Variants in CACNA2D3 observed in about 807,000 individuals in gnomAD.
CACNA2D3 encodes voltage-dependent calcium channel subunit alpha-2/delta-3.
In CACNA2D3, 60 loss-of-function variants were observed where a neutral mutation model predicts 160.6. The ratio of observed to expected loss-of-function variants is 0.37; its 90% CI spans 0.30 to 0.46. The LOEUF is 0.46. Ranked by LOEUF, CACNA2D3 falls within the 20% of genes least tolerant of loss-of-function variation. The pLI, the probability that CACNA2D3 is intolerant of heterozygous loss-of-function variation, is 1.00. For missense variants in CACNA2D3, 1,205 were observed against 1,365.0 expected (o/e 0.88, Z 1.85); for synonymous variants, 558 against 492.9 (o/e 1.13, Z -1.75).
intron 11 of CACNA2D3, among the ~76,000 whole-genome samples, chr3:54,720,371 G>A (rs1271040991): frequency 1.3e-5 from 2 of 151,914 alleles, no homozygotes; most frequent in Non-Finnish European, 2.9e-5. Flanking sequence ...TATTTAAAGT[G>A]TATTATTTAA....
intron 14 of CACNA2D3, among the ~76,000 whole-genome samples, chr3:54,830,453 T>G (rs1001051117): frequency 6.9e-6 from 1 of 145,588 alleles, no homozygotes; most frequent in African/African-American, 2.6e-5. Context: ...TTAAATACTT[T>G]TTTTTTTTTT....
chr3:54,979,317 A>T (rs1183421877), intron 29 of CACNA2D3, among the ~76,000 whole-genome samples: 1 of 152,168 alleles, frequency 6.6e-6, no homozygotes, highest in Non-Finnish European at 1.5e-5. Flanking sequence ...TTAAAGGTAA[A>T]CACACCATTC....
chr3:55,022,057 T>C (rs1242762846), intron 35 of CACNA2D3, among the ~76,000 whole-genome samples: 1 of 152,106 alleles, frequency 6.6e-6, no homozygotes, highest in African/African-American at 2.4e-5. Context: ...CAGTCTATTT[T>C]AGATGTCAGT....
rs538128301 is a variant in CACNA2D3, at chr3:55,064,151, C to T, written c.2988-9294C>T. Among the ~76,000 whole-genome samples the T allele has an allele frequency of 1.4e-4, 22 of 152,338 alleles. No individual in the cohort carries two copies. The Middle Eastern group carries it at 0.014, about 94-fold the overall frequency. On this transcript the variant is annotated intron_variant, in intron 35 of 37. Transcript: ENST00000474759. ...TTCTCCCTCCCACTAGCCACAGGAC[C>T]GAGGTGCTGTGTCCTGGCTGGAGGA...
chr3:54,998,166 T>C (rs1269096571), intron 31 of CACNA2D3, among the ~76,000 whole-genome samples: 1 of 149,832 alleles, frequency 6.7e-6, no homozygotes, highest in Non-Finnish European at 1.5e-5. Flanking sequence ...TCTTGCTCTA[T>C]TGCCCATGCC....
chr3:55,049,162 T>G lies in CACNA2D3; in HGVS notation c.2988-24283T>G, dbSNP rs140992475. On this transcript the variant is annotated intron_variant, in intron 35 of 37. Coordinates refer to ENST00000474759, the MANE Select transcript of CACNA2D3 (RefSeq NM_018398.3). ...TCTGCTAGCTTTTGAATGTGTTTGC[T>G]CTTGCTTGTCTAGTTCTTCTAATTG... Among the ~76,000 whole-genome samples, 735 of 151,896 alleles carry G rather than the reference T, an allele frequency of 4.8e-3. 19 individuals are homozygous for G. In the East Asian group the frequency reaches 0.064, roughly 13 times the overall value.
intron 2 of CACNA2D3, among the ~76,000 whole-genome samples, chr3:54,280,001 A>G (rs776027735): frequency 6.6e-6 from 1 of 152,252 alleles, no homozygotes; most frequent in Non-Finnish European, 1.5e-5. Context: ...GAATTCCAAC[A>G]GTGATTTCTT....
chr3:54,137,678 T>C (rs1033692176), intron 2 of CACNA2D3, among the ~76,000 whole-genome samples: 1 of 152,252 alleles, frequency 6.6e-6, no homozygotes, highest in African/African-American at 2.4e-5. Context: ...CTTAGTCTTA[T>C]TCTTTGCAGT....
At chr3:54,765,073 C>T (rs992003334) in intron 13 of CACNA2D3, among the ~76,000 whole-genome samples, 2 of 152,160 alleles carry the variant, frequency 1.3e-5, no homozygotes, top group Non-Finnish European at 2.9e-5. Context: ...CACAGGGCCT[C>T]TCTCCAGTCA....
intron 2 of CACNA2D3, among the ~76,000 whole-genome samples, chr3:54,143,226 A>G (rs1699969263): frequency 6.6e-6 from 1 of 152,190 alleles, no homozygotes; most frequent in Non-Finnish European, 1.5e-5. Flanking sequence ...CTTCCCCTCA[A>G]CACAAATGCT....
chr3:54,563,651 CG>C (rs1559513598), intron 6 of CACNA2D3, among the ~76,000 whole-genome samples: 1 of 152,106 alleles, frequency 6.6e-6, no homozygotes, highest in South Asian at 2.1e-4. Context: ...AAACAGGACT[CG>C]GGGCTGCAAC....
At chr3:54,694,758 G>T (rs1191893527) in intron 11 of CACNA2D3, among the ~76,000 whole-genome samples, 1 of 152,080 alleles carries the variant, frequency 6.6e-6, no homozygotes, top group African/African-American at 2.4e-5. Flanking sequence ...CCCCTCCTCT[G>T]TTTTCATTCC....
chr3:54,789,824 G>C (rs371720860), intron 13 of CACNA2D3: 161 of 514,674 alleles, frequency 3.1e-4, no homozygotes, highest in Non-Finnish European at 5.4e-4. Flanking sequence ...AAGTGAGCCC[G>C]AGCTTAAAAT....
At chr3:54,931,759 T>A (rs1231733249) in intron 27 of CACNA2D3, among the ~76,000 whole-genome samples, 1 of 152,230 alleles carries the variant, frequency 6.6e-6, no homozygotes, top group Non-Finnish European at 1.5e-5. Flanking sequence ...TTCTAATATG[T>A]TAGTCTATTT....
chr3:54,854,845 A>G (rs1699131779), intron 17 of CACNA2D3, among the ~76,000 whole-genome samples: 1 of 152,196 alleles, frequency 6.6e-6, no homozygotes, highest in South Asian at 2.1e-4. Flanking sequence ...CAAAAAGTAA[A>G]TTCGGGTCAG....
intron 14 of CACNA2D3, among the ~76,000 whole-genome samples, chr3:54,819,697 T>G (rs1448290352): frequency 6.6e-6 from 1 of 152,074 alleles, no homozygotes; most frequent in Non-Finnish European, 1.5e-5. Context: ...ATACAAAAAT[T>G]AGCCGGGCGT....
chr3:54,756,221 CAG>C (rs942150237), intron 12 of CACNA2D3, among the ~76,000 whole-genome samples: 12 of 152,232 alleles, frequency 7.9e-5, no homozygotes, highest in African/African-American at 2.9e-4. Flanking sequence ...CCCTTCCTAC[CAG>C]AGTCAGCCCT....
At chr3:54,475,804 A>T (rs931414861) in intron 4 of CACNA2D3, among the ~76,000 whole-genome samples, 1 of 14,886 alleles carries the variant, frequency 6.7e-5, no homozygotes, top group Non-Finnish European at 1.6e-4. Flanking sequence ...TCACATGGTT[A>T]CCATTTGTGT....
chr3:54,413,522 A>G (rs1182506302), intron 4 of CACNA2D3, among the ~76,000 whole-genome samples: 11 of 150,830 alleles, frequency 7.3e-5, no homozygotes, highest in African/African-American at 2.7e-4. Flanking sequence ...TTTCTTCAAA[A>G]TGTTACCTGC....
Sources: allele counts gnomAD v4.1 joint callset (sites outside exome capture counted in the v4.1 genomes callset), GRCh38; gene constraint gnomAD v4.1.1; transcripts MANE v1.5; gene names NCBI Gene and HGNC (gene_info 2026-07-23, HGNC 2026-07-21).